TOPORS: variants seen among roughly 807,000 people sequenced by gnomAD.
The protein encoded by TOPORS is E3 ubiquitin-protein ligase Topors.
A neutral mutation model predicts 81.4 loss-of-function variants in TOPORS; 25 were observed. That is an observed-to-expected ratio of 0.31 (90% CI 0.22 to 0.43). The LOEUF (loss-of-function observed/expected upper bound fraction) is 0.43, where lower values mean the gene tolerates loss of function less well. Among genes scored for constraint, TOPORS ranks in the 20% least tolerant of loss-of-function variants. The pLI is 1.00. For synonymous variants in TOPORS, 473 were observed against 456.6 expected (o/e 1.04, Z -0.46); for missense variants, 1,101 against 1,267.0 (o/e 0.87, Z 1.99).
At chr9:32,552,235 C>T (rs1269575950) in intron 1 of TOPORS, 199 bp downstream of exon 1, 4 of 675,978 alleles carry the variant, frequency 5.9e-6, no homozygotes, top group Admixed American at 5.7e-5. Context: ...CTCTAAAAGG[C>T]GGGCAAGGCC....
At chr9:32,544,621 T>A (rs1053817737) in intron 2 of TOPORS, among the ~76,000 whole-genome samples, 1 of 152,204 alleles carries the variant, frequency 6.6e-6, no homozygotes, top group Admixed American at 6.5e-5. Flanking sequence ...GATAACAGAA[T>A]CTGCCTTACA....
rs199937352 is a variant in TOPORS at position 32,552,404 on chromosome 9, A to C, written c.3+30T>G. The C allele has an allele frequency of 7.8e-4, 1,262 of 1,608,320 alleles. 7 individuals carry two copies. In the African/African-American group the frequency reaches 0.015, roughly 19 times the overall value. On this transcript the variant is annotated intron_variant, in intron 1 of 2. Coordinates refer to ENST00000360538, the MANE Select transcript of TOPORS (RefSeq NM_005802.5). The stretch of plus-strand genomic sequence containing the variant: ...TACTGTAAGGCCCGCAGCTCCCGCC[A>C]GCTCCCGCGGACTGCTGCCGCCTCC...
At chr9:32,546,707 A>AT (rs1041373650) in intron 2 of TOPORS, among the ~76,000 whole-genome samples, 5 of 152,318 alleles carry the variant, frequency 3.3e-5, no homozygotes, top group East Asian at 1.9e-4. Context: ...ACAAAGTATG[A>AT]TTTTTTTAAA....
chr9:32,550,236 G>A (rs1046798559), intron 2 of TOPORS, among the ~76,000 whole-genome samples: 6 of 152,130 alleles, frequency 3.9e-5, no homozygotes, highest in African/African-American at 1.2e-4. Flanking sequence ...TGCAGTAAAT[G>A]GATGGATGAA....
At chr9:32,552,285 A>T in intron 1 of TOPORS, 149 bp downstream of exon 1, 1 of 1,145,722 alleles carries the variant, frequency 8.7e-7, no homozygotes, top group South Asian at 1.3e-5. Context: ...CGGGCGGAAG[A>T]GGCCAGCGAC....
At chr9:32,552,270 A>C (rs1414411030) in intron 1 of TOPORS, 164 bp downstream of exon 1, 2 of 955,664 alleles carry the variant, frequency 2.1e-6, no homozygotes, top group Non-Finnish European at 3.3e-6. Flanking sequence ...ACCGCCCCCC[A>C]ACTCCGGGCG....
At position 32,550,892 on chromosome 9, in the gene TOPORS, C is replaced by A. The variant is rs1283955903; in HGVS notation, c.80G>T (p.Gly27Val). ...GCGTACCCGGCGACTTCTCCGCCTA[C>A]CCTCCGAAGCGGGAGCAGGCGGGGG... ...EAPPPAPASE[G>V]RRRSRRVRLR... The change falls in exon 2 of 3, where the codon GGT (glycine) becomes GTT (valine). Residue 27 changes from glycine to valine, a missense_variant. Coordinates refer to ENST00000360538, the MANE Select transcript of TOPORS (RefSeq NM_005802.5). 6.2e-7 allele frequency: 1 copy of A among 1,613,072 alleles called. No individual in the cohort carries two copies.
In TOPORS at chr9:32,543,407, T is replaced by C. The variant is rs750216783; in HGVS notation, c.1118A>G (p.Asn373Ser). 3 of 1,613,882 alleles carry C rather than the reference T, an allele frequency of 1.9e-6. No homozygotes were observed. Among genetic ancestry groups the C allele is most frequent in the Admixed American group, 1.7e-5 (1 of 60,010 alleles). ...GTATGAAGGAGCAGGGCAATCATAATTGGCATGCTGGTCAAAGGCTGCCAT... is the reference window on the plus strand; with the variant it reads ...GTATGAAGGAGCAGGGCAATCATAACTGGCATGCTGGTCAAAGGCTGCCAT... ...FNMAAFDQHANYDCPAPSYEE... is the reference protein window; with the variant it reads ...FNMAAFDQHASYDCPAPSYEE... The change falls in exon 3 of 3, where the codon AAT becomes AGT. Residue 373 changes from asparagine (N) to serine (S), a missense_variant. Transcript: ENST00000360538. The surrounding 1 kb of genome is among the most constrained non-coding windows in gnomAD (Gnocchi z 5.6).
Position 32,540,981 on chromosome 9 carries a change from A to C in TOPORS, c.*406T>G, listed in dbSNP as rs543357396. ...TTAAGAAGAAAAATAAAGACTGTCC[A>C]AAGGGATTCTCCTAGCTTATAACAC... is the stretch of plus-strand genomic sequence containing the variant. On this transcript the variant is annotated 3_prime_UTR_variant, in exon 3 of 3. Transcript: ENST00000360538. 1 of 162,020 alleles carries C rather than the reference A, an allele frequency of 6.2e-6. No homozygotes were observed. The highest frequency in any genetic ancestry group is 6.0e-5 in the Admixed American group (1 of 16,784). The allele number at this position is 162,020 out of a possible 1,614,324, so 10.0% of individuals were successfully genotyped here. A position where few individuals can be genotyped will look rare whatever the true frequency, so the allele number is the denominator to read the frequency against.
intron 2 of TOPORS, 105 bp from the exon 3 acceptor site, chr9:32,544,431 T>C: frequency 8.8e-7 from 1 of 1,135,100 alleles, no homozygotes; most frequent in Non-Finnish European, 1.3e-6. Flanking sequence ...TTGGTGAAAA[T>C]ACTTAAGTGA....
At chr9:32,546,636 T>C (rs570568816) in intron 2 of TOPORS, among the ~76,000 whole-genome samples, 14 of 152,288 alleles carry the variant, frequency 9.2e-5, no homozygotes, top group African/African-American at 2.9e-4. Context: ...CAGCTGAAAA[T>C]GAATTTATTA....
chr9:32,541,897 A>C lies in TOPORS; in HGVS notation c.2628T>G (p.Thr876=). 6.2e-7 allele frequency: 1 copy of C among 1,613,986 alleles called. No individual in the cohort carries two copies. The highest frequency in any genetic ancestry group is 8.5e-7 in the Non-Finnish European group (1 of 1,179,984). ...SVEIVYEGKA[T]DTTKHHKKKK... ...TCTTTTTATGGTGTTTAGTTGTATC[A>C]GTAGCTTTTCCTTCATAAACTATCT... Residue 876 remains threonine (T), a synonymous_variant, in exon 3 of 3, where the codon ACT becomes ACG. Coordinates refer to ENST00000360538, the MANE Select transcript of TOPORS (RefSeq NM_005802.5).
At chr9:32,550,668 A>AG in intron 2 of TOPORS, 106 bp downstream of exon 2, 1 of 1,325,226 alleles carries the variant, frequency 7.5e-7, no homozygotes, top group Non-Finnish European at 1.1e-6. Flanking sequence ...ACAGCCCCGC[A>AG]GGCCATGACC....
In TOPORS at chr9:32,544,263, T is replaced by C; in HGVS notation, c.262A>G (p.Lys88Glu). ...TCAGCTGGTACTGTCTGTTGCAATT[T>C]GCTAGTGCCAGCTTTAGGTGAAAAG... The part of the protein sequence containing the change: ...DNFSPKAGTS[K>E]LQQTVPADAS... The change falls in exon 3 of 3, where the codon AAA (lysine) becomes GAA (glutamate). Residue 88 changes from lysine to glutamate, a missense_variant. Transcript: ENST00000360538. 5.0e-6 allele frequency: 8 copies of C among 1,607,604 alleles called. No homozygotes were observed. Among genetic ancestry groups the C allele is most frequent in the Non-Finnish European group, 6.8e-6 (8 of 1,179,980 alleles).
intron 2 of TOPORS, among the ~76,000 whole-genome samples, chr9:32,546,925 C>T (rs1382698952): frequency 1.3e-5 from 2 of 152,208 alleles, no homozygotes; most frequent in African/African-American, 4.8e-5. Flanking sequence ...GTAGTCCCAG[C>T]TACTCAGGAG....
chr9:32,546,714 T>C (rs967235177), intron 2 of TOPORS, among the ~76,000 whole-genome samples: 1 of 152,168 alleles, frequency 6.6e-6, no homozygotes, highest in Non-Finnish European at 1.5e-5. Flanking sequence ...ATGATTTTTT[T>C]AAAAAAATGA....
rs753566457 is a variant in TOPORS, at chr9:32,542,256, T to C, written c.2269A>G (p.Ser757Gly). The C allele has an allele frequency of 6.2e-7, 1 of 1,614,196 alleles. No individual in the cohort carries two copies. Among genetic ancestry groups the C allele is most frequent in the Non-Finnish European group, 8.5e-7 (1 of 1,180,040 alleles). The change falls in exon 3 of 3, where the codon AGT becomes GGT. Residue 757 changes from serine (S) to glycine (G), a missense_variant. Ser to Gly is a moderately conservative substitution (Grantham distance 56, BLOSUM62 0). Around this residue, in one of 9 missense-constraint regions of TOPORS, gnomAD observed 605 missense variants for 636.1 expected, o/e 0.95. Transcript: ENST00000360538. ...RTNARKKNNH[S>G]ERKYYYYERH... ...TCATAGTAGTAATACTTCCTCTCAC[T>C]GTGATTATTTTTTTTCCTAGCATTT... is the stretch of plus-strand genomic sequence containing the variant.
At position 32,542,708 on chromosome 9, in the gene TOPORS, C is replaced by T. The variant is rs1821086096; in HGVS notation, c.1817G>A (p.Ser606Asn). ...RSRSSDSRSQ[S>N]RSGHDQKNHR... ...ATTCTTCTGATCATGCCCACTTCTACTCTGAGAACGTGAATCTGAACTTCT... is the reference window on the plus strand; with the variant it reads ...ATTCTTCTGATCATGCCCACTTCTATTCTGAGAACGTGAATCTGAACTTCT... Residue 606 changes from serine (S) to asparagine (N), a missense_variant, in exon 3 of 3, where the codon AGT (serine) becomes AAT (asparagine). Around this residue, in one of 9 missense-constraint regions of TOPORS, gnomAD observed 605 missense variants for 636.1 expected, o/e 0.95. Transcript: ENST00000360538. 2.5e-6 allele frequency: 4 copies of T among 1,614,072 alleles called. No homozygotes were observed. The South Asian group carries it at 3.3e-5, about 13-fold the overall frequency.
intron 1 of TOPORS, 143 bp from the exon 2 acceptor site, chr9:32,551,111 G>T (rs1563987320): frequency 2.8e-6 from 3 of 1,067,510 alleles, no homozygotes; most frequent in Admixed American, 2.0e-5. Context: ...TCGGGGGCGG[G>T]GCTCAGCGCA....
Sources: allele counts gnomAD v4.1 joint callset (sites outside exome capture counted in the v4.1 genomes callset), GRCh38; gene constraint gnomAD v4.1.1; regional missense constraint gnomAD v4.1.1; non-coding constraint Gnocchi (gnomAD v3.1); transcripts MANE v1.5; gene names NCBI Gene and HGNC (gene_info 2026-07-23, HGNC 2026-07-21).